The following LIPA variants were observed in gnomAD, a reference collection of about 807,000 sequenced individuals.
LIPA encodes lipase A, lysosomal acid type.
In LIPA, 26 loss-of-function variants were observed where a neutral mutation model predicts 40.6. That is an observed-to-expected ratio of 0.64 (90% CI 0.47 to 0.89). The LOEUF (loss-of-function observed/expected upper bound fraction) is 0.89, where lower values mean the gene tolerates loss of function less well. Among genes scored for constraint, LIPA ranks in the 40% least tolerant of loss-of-function variants. LIPA has a pLI of 0.00. For synonymous variants in LIPA, 188 were observed against 168.4 expected (o/e 1.12, Z -0.90); for missense variants, 455 against 479.6 (o/e 0.95, Z 0.48).
At chr10:89,360,287 G>T (rs1213269777) in intron 2 of LIPA, among the ~76,000 whole-genome samples, 2 of 152,194 alleles carry the variant, frequency 1.3e-5, no homozygotes, top group African/African-American at 2.4e-5. Flanking sequence ...GAGAGGAAAA[G>T]ATGGCCCATG....
chr10:89,216,082 T>A, intron 8 of LIPA, 73 bp from the exon 9 acceptor site: 1 of 977,188 alleles, frequency 1.0e-6, no homozygotes, highest in Non-Finnish European at 1.7e-6. Flanking sequence ...TTGCTGGAGC[T>A]AGCCACAACC....
chr10:89,287,725 A>G lies in LIPA; in HGVS notation c.-1-40076T>C, dbSNP rs117865202. Among the ~76,000 whole-genome samples the G allele has an allele frequency of 1.5e-3, 230 of 152,322 alleles. 2 individuals carry two copies. In the East Asian group the frequency reaches 0.022, roughly 14 times the overall value. On this transcript the variant is annotated intron_variant, in intron 1 of 5. Transcript: ENST00000282673. ...GCTTTAAAAAGGATTAAAGCATGTT[A>G]TCACTTGCCTGTTACAGCATGGCCT...
chr10:89,295,015 TGAAATGAAAGGAAAGGAAAG>T lies in LIPA; in HGVS notation c.-1-47386_-1-47367del, dbSNP rs1843404274. On this transcript the variant is annotated intron_variant, in intron 1 of 5. Coordinates refer to the LIPA transcript ENST00000282673. ...AAAAAAAGGAAGAAAGGAAAGGAAA[TGAAATGAAAGGAAAGGAAAG>T]GAAAGGAAAGGAAAGGAAAGGAAAG... is the stretch of plus-strand genomic sequence containing the variant. Among the ~76,000 whole-genome samples the T allele has an allele frequency of 5.6e-4, 34 of 60,304 alleles. 1 individual carries two copies. Among genetic ancestry groups the T allele is most frequent in the Admixed American group, 4.3e-3 (27 of 6,346 alleles). 39.6% of individuals were successfully genotyped at this position (60,304 alleles called of 152,430 possible).
intron 1 of LIPA, chr10:89,283,762 C>A (rs1396844235): frequency 6.6e-6 from 1 of 152,220 alleles, no homozygotes; most frequent in Admixed American, 6.5e-5. Flanking sequence ...ATAAAGGTAT[C>A]CTTCATCAGC....
chr10:89,347,887 G>T (rs931948816), intron 2 of LIPA, among the ~76,000 whole-genome samples: 1 of 152,164 alleles, frequency 6.6e-6, no homozygotes, highest in Non-Finnish European at 1.5e-5. Flanking sequence ...CAGAGGACAT[G>T]CATGGCAGCC....
chr10:89,340,648 A>T (rs979413449), intron 1 of LIPA: 1 of 151,666 alleles, frequency 6.6e-6, no homozygotes, highest in African/African-American at 2.4e-5. Context: ...ACAACTAATC[A>T]CTGGTAGCAA....
Position 89,392,466 on chromosome 10 carries a change from TC to T in LIPA, c.61+20324del, listed in dbSNP as rs759696601. 5 of 287,688 alleles carry T rather than the reference TC, an allele frequency of 1.7e-5. 1 individual carries two copies. In the Admixed American group the frequency reaches 2.1e-4, roughly 12 times the overall value. 17.8% of individuals were successfully genotyped at this position (287,688 alleles called of 1,614,324 possible). A position where few individuals can be genotyped will look rare whatever the true frequency, so the allele number is the denominator to read the frequency against. On this transcript the variant is annotated intron_variant, in intron 2 of 8. Coordinates refer to the LIPA transcript ENST00000371837. ...TTTTAAAATAGAAACAAAGTTTCAT[TC>T]CCCACCCCCCCCCGTCAGCAGGAAT...
In LIPA at chr10:89,401,009, A is replaced by G. The variant is rs1056599571; in HGVS notation, c.61+11782T>C. On this transcript the variant is annotated intron_variant, in intron 2 of 8. Coordinates refer to the LIPA transcript ENST00000371837. ...TTTGTCAAATGCTTTTCCTGCATCAATTGAGATGGTCATGTATTTATTCCC... is the reference window on the plus strand; with the variant it reads ...TTTGTCAAATGCTTTTCCTGCATCAGTTGAGATGGTCATGTATTTATTCCC... Among the ~76,000 whole-genome samples, 3 of 151,876 alleles carry G rather than the reference A, an allele frequency of 2.0e-5. No individual in the cohort carries two copies. The East Asian group carries it at 5.8e-4, about 29-fold the overall frequency.
intron 2 of LIPA, among the ~76,000 whole-genome samples, chr10:89,364,701 A>C: frequency 6.6e-6 from 1 of 150,380 alleles, no homozygotes; most frequent in East Asian, 1.9e-4. Flanking sequence ...AGTCATTCTG[A>C]CCTAAGGGAA....
At chr10:89,332,523 C>T (rs963121046) in intron 1 of LIPA, 3 of 1,610,770 alleles carry the variant, frequency 1.9e-6, no homozygotes, top group Admixed American at 3.3e-5. Flanking sequence ...CCTAACAGCA[C>T]CCTGGGTGGA....
chr10:89,370,021 C>T (rs1448687717), intron 2 of LIPA, among the ~76,000 whole-genome samples: 1 of 152,258 alleles, frequency 6.6e-6, no homozygotes, highest in Non-Finnish European at 1.5e-5. Flanking sequence ...TGGGGGAACC[C>T]CCAGCATCTG....
intron 8 of LIPA, among the ~76,000 whole-genome samples, chr10:89,217,643 G>T (rs1433648356): frequency 6.6e-6 from 1 of 152,170 alleles, no homozygotes; most frequent in East Asian, 1.9e-4. Flanking sequence ...CACTTGAAAG[G>T]ATATTTCAAA....
At chr10:89,237,241 C>A (rs1012825209) in intron 3 of LIPA, among the ~76,000 whole-genome samples, 1 of 152,120 alleles carries the variant, frequency 6.6e-6, no homozygotes, top group Non-Finnish European at 1.5e-5. Context: ...AATGGTGCCA[C>A]TGTACTCCAG....
At chr10:89,378,498 T>C (rs994437836) in intron 2 of LIPA, among the ~76,000 whole-genome samples, 4 of 152,020 alleles carry the variant, frequency 2.6e-5, no homozygotes, top group African/African-American at 9.7e-5. Flanking sequence ...GGGAGGGGCT[T>C]CTCAAGAGGC....
At chr10:89,403,221 G>T in intron 2 of LIPA, 1 of 1,614,146 alleles carries the variant, frequency 6.2e-7, no homozygotes, top group Non-Finnish European at 8.5e-7. Context: ...GCAGAACAGA[G>T]AAAAGCTAGA....
intron 1 of LIPA, among the ~76,000 whole-genome samples, chr10:89,299,360 A>G (rs953315280): frequency 6.6e-6 from 1 of 152,200 alleles, no homozygotes; most frequent in African/African-American, 2.4e-5. Flanking sequence ...ATGGGACACC[A>G]TAAGGTGACC....
intron 2 of LIPA, among the ~76,000 whole-genome samples, chr10:89,353,773 T>C (rs1389136600): frequency 6.6e-6 from 1 of 152,046 alleles, no homozygotes; most frequent in African/African-American, 2.4e-5. Flanking sequence ...AACCCGTCTC[T>C]ACTAAAAATA....
At chr10:89,233,518 C>T (rs916472201) in intron 3 of LIPA, among the ~76,000 whole-genome samples, 4 of 152,244 alleles carry the variant, frequency 2.6e-5, no homozygotes, top group East Asian at 1.9e-4. Flanking sequence ...ACATACATTA[C>T]GTTTCGTGCA....
chr10:89,305,284 T>C (rs1843471247), intron 1 of LIPA, among the ~76,000 whole-genome samples: 1 of 152,144 alleles, frequency 6.6e-6, no homozygotes, highest in African/African-American at 2.4e-5. Context: ...AATGAGAATG[T>C]AGCATGTTAA....
Sources: allele counts gnomAD v4.1 joint callset (sites outside exome capture counted in the v4.1 genomes callset), GRCh38; gene constraint gnomAD v4.1.1; transcripts MANE v1.5; gene names NCBI Gene and HGNC (gene_info 2026-07-23, HGNC 2026-07-21).